The following IDH3A variants were observed in gnomAD, a reference collection of about 807,000 sequenced individuals.
The protein encoded by IDH3A is isocitrate dehydrogenase [NAD] subunit alpha, mitochondrial.
IDH3A carries 23 observed loss-of-function variants against 43.3 expected under a neutral mutation model. That is an observed-to-expected ratio of 0.53 (90% CI 0.38 to 0.75). IDH3A has a LOEUF of 0.75. Ranked by LOEUF, IDH3A falls within the 30% of genes least tolerant of loss-of-function variation. IDH3A has a pLI of 0.00. For missense variants in IDH3A, 329 were observed against 474.4 expected (o/e 0.69, Z 2.85); for synonymous variants, 154 against 163.5 (o/e 0.94, Z 0.44).
rs1303775777 is a variant in IDH3A, at chr15:78,162,313, A to G, written c.557A>G (p.Tyr186Cys). ...SKRIAEFAFE[Y>C]ARNNHRSNVT... Reference sequence around the variant, plus strand: ...CGCATTGCTGAGTTTGCCTTTGAGTATGCCCGGAACAACCACCGGAGCAAC... The same window carrying G: ...CGCATTGCTGAGTTTGCCTTTGAGTGTGCCCGGAACAACCACCGGAGCAAC... Residue 186 changes from tyrosine (Y) to cysteine (C), a missense_variant, in exon 6 of 11, where the codon TAT becomes TGT. Around this residue, in one of 3 missense-constraint regions of IDH3A, gnomAD observed 212 missense variants for 345.5 expected, o/e 0.61. Coordinates refer to ENST00000299518, the MANE Select transcript of IDH3A (RefSeq NM_005530.3). The G allele has an allele frequency of 6.2e-7, 1 of 1,614,036 alleles. No individual in the cohort carries two copies. Among genetic ancestry groups the G allele is most frequent in the African/African-American group, 1.3e-5 (1 of 74,914 alleles).
chr15:78,159,245 A>G (rs756986893), intron 3 of IDH3A, among the ~76,000 whole-genome samples: 2 of 152,132 alleles, frequency 1.3e-5, no homozygotes, highest in Non-Finnish European at 2.9e-5. Flanking sequence ...CCGAAAAAGA[A>G]ACCCCATACC....
At chr15:78,162,071 G>A in intron 5 of IDH3A, 163 bp from the exon 6 acceptor site, 1 of 699,754 alleles carries the variant, frequency 1.4e-6, no homozygotes, top group Non-Finnish European at 2.4e-6. Context: ...TCTTAGGGCT[G>A]GAGTTAACAT....
rs528441012 is a variant in IDH3A at position 78,156,039 on chromosome 15, G to A, written c.90+764G>A. Reference sequence around the variant, plus strand: ...CTTTCTGTATTGTGGAAGAAAAGCAGATTTTCTGGTGACTGGATGACATTT... The same window carrying A: ...CTTTCTGTATTGTGGAAGAAAAGCAAATTTTCTGGTGACTGGATGACATTT... On this transcript the variant is annotated intron_variant, in intron 2 of 10. Transcript: ENST00000299518. Among the ~76,000 whole-genome samples, 4 of 152,284 alleles carry A rather than the reference G, an allele frequency of 2.6e-5. No individual in the cohort carries two copies. In the South Asian group the frequency reaches 8.3e-4, roughly 32 times the overall value.
At chr15:78,157,750 G>C in intron 3 of IDH3A, 119 bp downstream of exon 3, 1 of 631,976 alleles carries the variant, frequency 1.6e-6, no homozygotes, top group South Asian at 2.0e-5. Context: ...AGTCAGGTCT[G>C]TTGTTAATCT....
intron 6 of IDH3A, 171 bp from the exon 7 acceptor site, chr15:78,163,336 C>T: frequency 1.8e-6 from 1 of 560,790 alleles, no homozygotes; most frequent in Non-Finnish European, 3.2e-6. Context: ...GATCCTAAAA[C>T]ATTTTCAGCT....
intron 1 of IDH3A, among the ~76,000 whole-genome samples, chr15:78,154,281 C>T (rs2074606232): frequency 6.6e-6 from 1 of 151,218 alleles, no homozygotes; most frequent in Admixed American, 6.6e-5. Context: ...TTTTCCTAGT[C>T]CCAGCAAACT....
At position 78,169,637 on chromosome 15, in the gene IDH3A, A is replaced by G. The variant is rs1365947038; in HGVS notation, c.*632A>G. On this transcript the variant is annotated 3_prime_UTR_variant, in exon 11 of 11. Transcript: ENST00000299518. ...ATAATGAGAGATATAATTTTTGTTA[A>G]TAAGACAAAGGTAATATATTGGATA... is the stretch of plus-strand genomic sequence containing the variant. 9 of 152,252 alleles carry G rather than the reference A, an allele frequency of 5.9e-5. No individual in the cohort carries two copies. The highest frequency in any genetic ancestry group is 1.3e-4 in the Non-Finnish European group (9 of 68,038). 9.4% of individuals were successfully genotyped at this position (152,252 alleles called of 1,614,324 possible). A position where few individuals can be genotyped will look rare whatever the true frequency, so the allele number is the denominator to read the frequency against.
At position 78,161,706 on chromosome 15, in the gene IDH3A, G is replaced by T. The variant is rs747375549; in HGVS notation, c.415G>T (p.Asp139Tyr). Residue 139 changes from aspartate to tyrosine, a missense_variant, in exon 5 of 11, where the codon GAT becomes TAT. Physicochemically the swap from Asp to Tyr is radical, Grantham distance 160. Coordinates refer to ENST00000299518, the MANE Select transcript of IDH3A (RefSeq NM_005530.3). This position sits in a 1 kb window ranked among gnomAD's most constrained non-coding sequence, Gnocchi z 4.8. ...SIEGYKTPYT[D>Y]VNIVTIRENT... Reference sequence around the variant, plus strand: ...CGAAGGCTATAAAACCCCTTACACCGATGTAAATATTGTGACCATTCGAGA... The same window carrying T: ...CGAAGGCTATAAAACCCCTTACACCTATGTAAATATTGTGACCATTCGAGA... 5.0e-6 allele frequency: 8 copies of T among 1,613,970 alleles called. No individual in the cohort carries two copies. The East Asian group carries it at 6.7e-5, about 13-fold the overall frequency.
intron 1 of IDH3A, 43 bp from the exon 2 acceptor site, chr15:78,155,170 G>T (rs1166042673): frequency 1.4e-6 from 2 of 1,446,244 alleles, no homozygotes; most frequent in Non-Finnish European, 1.9e-6. Context: ...ACTGTATGTG[G>T]TTTAATTCTG....
intron 6 of IDH3A, among the ~76,000 whole-genome samples, chr15:78,163,082 A>C (rs2074701138): frequency 6.6e-6 from 1 of 152,258 alleles, no homozygotes; most frequent in Non-Finnish European, 1.5e-5. Context: ...TTACTCCAGC[A>C]ACTTAAATTC....
Position 78,171,390 on chromosome 15 carries a change from G to A in IDH3A, c.*2385G>A. The A allele has an allele frequency of 6.7e-7, 1 of 1,486,378 alleles. No homozygotes were observed. The highest frequency in any genetic ancestry group is 1.2e-5 in the South Asian group (1 of 86,872). The allele number at this position is 1,486,378 out of a possible 1,614,324, so 92.1% of individuals were successfully genotyped here. A position where few individuals can be genotyped will look rare whatever the true frequency, so the allele number is the denominator to read the frequency against. On this transcript the variant is annotated 3_prime_UTR_variant, in exon 11 of 11. Transcript: ENST00000299518. ...ACTGAAGAGACCTGGGGCTCAGGAA[G>A]AGGCTCGGAACGCCTGCCCTCTATT...
In IDH3A at chr15:78,162,331, G is replaced by A. The variant is rs1180969857; in HGVS notation, c.575G>A (p.Arg192Gln). 3.1e-6 allele frequency: 5 copies of A among 1,613,980 alleles called. No homozygotes were observed. Among genetic ancestry groups the A allele is most frequent in the Admixed American group, 1.7e-5 (1 of 59,990 alleles). Residue 192 changes from arginine (R) to glutamine (Q), a missense_variant, in exon 6 of 11, where the codon CGG becomes CAG. By Grantham distance (43) the Arg-to-Gln change is conservative (BLOSUM62 1). Around this residue, in one of 3 missense-constraint regions of IDH3A, gnomAD observed 212 missense variants for 345.5 expected, o/e 0.61. Transcript: ENST00000299518. ...TTTGAGTATGCCCGGAACAACCACC[G>A]GAGCAACGTCACGGCGGTGCACAAA... ...FAFEYARNNH[R>Q]SNVTAVHKAN...
intron 1 of IDH3A, among the ~76,000 whole-genome samples, chr15:78,154,203 AC>A (rs762465228): frequency 0.012 from 1,625 of 133,322 alleles, 19 homozygotes; most frequent in African/African-American, 0.034. Flanking sequence ...AAAAAAAAAA[AC>A]ACGTACCAGT....
intron 3 of IDH3A, chr15:78,159,827 C>T (rs2074662434): frequency 3.0e-6 from 1 of 336,142 alleles, no homozygotes; most frequent in East Asian, 5.9e-5. Flanking sequence ...CCTGTCTCTA[C>T]AAAAAAAATA....
chr15:78,164,391 C>G lies in IDH3A; in HGVS notation c.780-601C>G, dbSNP rs138470900. On this transcript the variant is annotated intron_variant, in intron 8 of 10. Transcript: ENST00000299518. ...TTTTTGAGGCAGAGTCTTGCTCTGTCGCCTAGGCTGGAGTGCAGTGGCACA... is the reference window on the plus strand; with the variant it reads ...TTTTTGAGGCAGAGTCTTGCTCTGTGGCCTAGGCTGGAGTGCAGTGGCACA... 7.5e-3 allele frequency among the ~76,000 whole-genome samples: 1,091 copies of G among 144,608 alleles called. 8 individuals are homozygous for G. Among genetic ancestry groups the G allele is most frequent in the Non-Finnish European group, 0.012 (823 of 66,850 alleles). 94.9% of individuals were successfully genotyped at this position (144,608 alleles called of 152,430 possible).
intron 10 of IDH3A, 187 bp downstream of exon 10, chr15:78,166,489 G>C (rs1438915867): frequency 1.6e-6 from 1 of 639,694 alleles, no homozygotes; most frequent in Non-Finnish European, 2.8e-6. Flanking sequence ...ATTTTCTGAG[G>C]TGAGGATCTA....
rs1189817345 is a variant in IDH3A at position 78,161,607 on chromosome 15, G to A, written c.316G>A (p.Gly106Ser). ...CCCTTTGAAGACCCCAATAGCAGCC[G>A]GTCACCCATCTATGAATTTACTGCT... Reference protein sequence around the residue: ...KGPLKTPIAAGHPSMNLLLRK... With the variant: ...KGPLKTPIAASHPSMNLLLRK... The change falls in exon 5 of 11, where the codon GGT becomes AGT. Residue 106 changes from glycine (G) to serine (S), a missense_variant. This residue lies in a region of IDH3A where 212 missense variants were observed against 345.5 expected (regional missense o/e 0.61). Coordinates refer to ENST00000299518, the MANE Select transcript of IDH3A (RefSeq NM_005530.3). This position sits in a 1 kb window ranked among gnomAD's most constrained non-coding sequence, Gnocchi z 4.8. The A allele has an allele frequency of 2.5e-6, 4 of 1,613,610 alleles. No homozygotes were observed. The highest frequency in any genetic ancestry group is 2.5e-6 in the Non-Finnish European group (3 of 1,180,016).
rs188929982 is a variant in IDH3A at position 78,160,274 on chromosome 15, T to G, written c.289+68T>G. 1.2e-4 allele frequency: 111 copies of G among 907,726 alleles called. No homozygotes were observed. The East Asian group carries it at 2.6e-3, about 21-fold the overall frequency. 56.2% of individuals were successfully genotyped at this position (907,726 alleles called of 1,614,324 possible). A position where few individuals can be genotyped will look rare whatever the true frequency, so the allele number is the denominator to read the frequency against. ...ACAGGGGTTACTTAGTTTTGAAAATTTATGCATTTAAACTGAATAAGGCCT... is the reference window on the plus strand; with the variant it reads ...ACAGGGGTTACTTAGTTTTGAAAATGTATGCATTTAAACTGAATAAGGCCT... On this transcript the variant is annotated intron_variant, in intron 4 of 10. Coordinates refer to ENST00000299518, the MANE Select transcript of IDH3A (RefSeq NM_005530.3).
At chr15:78,155,078 A>G (rs2074613017) in intron 1 of IDH3A, 135 bp from the exon 2 acceptor site, 1 of 533,188 alleles carries the variant, frequency 1.9e-6, no homozygotes, top group Non-Finnish European at 3.3e-6. Context: ...AATACATGAG[A>G]TTTGTATTCC....
Sources: gnomAD v4.1 joint callset for allele counts (sites outside exome capture counted in the v4.1 genomes callset) on GRCh38, gnomAD v4.1.1 for gene constraint, gnomAD v4.1.1 regional missense constraint, Gnocchi (gnomAD v3.1) non-coding constraint, MANE v1.5 for transcripts, NCBI Gene and HGNC (gene_info 2026-07-23, HGNC 2026-07-21) for gene names.